LHPP: variants seen among roughly 807,000 people sequenced by gnomAD.
LHPP encodes the protein hLHPP.
LHPP carries 24 observed loss-of-function variants against 30.3 expected under a neutral mutation model. That is an observed-to-expected ratio of 0.79 (90% CI 0.57 to 1.11). The LOEUF is 1.11. Ranked by LOEUF, LHPP falls within the 50% of genes most tolerant of loss-of-function variation. The pLI is 0.00. For missense variants in LHPP, 356 were observed against 367.2 expected (o/e 0.97, Z 0.25); for synonymous variants, 150 against 157.1 (o/e 0.95, Z 0.34).
intron 6 of LHPP, among the ~76,000 whole-genome samples, chr10:124,604,325 T>C (rs1189877727): frequency 2.6e-5 from 4 of 152,118 alleles, no homozygotes; most frequent in African/African-American, 9.7e-5. Flanking sequence ...ACGGGCTGGA[T>C]GTGGGATGTT....
intron 6 of LHPP, among the ~76,000 whole-genome samples, chr10:124,548,836 G>A (rs1228186027): frequency 6.6e-6 from 1 of 152,204 alleles, no homozygotes; most frequent in Admixed American, 6.5e-5. Context: ...CAGGAGCCCG[G>A]GTCCCCGGAC....
intron 6 of LHPP, among the ~76,000 whole-genome samples, chr10:124,557,506 T>C (rs1036881085): frequency 6.6e-6 from 1 of 152,218 alleles, no homozygotes; most frequent in Non-Finnish European, 1.5e-5. Flanking sequence ...ATAGCTTTAT[T>C]TGATTACTTT....
At chr10:124,543,402 G>A (rs2133947768) in intron 6 of LHPP, among the ~76,000 whole-genome samples, 1 of 152,386 alleles carries the variant, frequency 6.6e-6, no homozygotes, top group East Asian at 1.9e-4. Context: ...GCAGGCGCAG[G>A]TGGCTGTACC....
rs1331685218 is a variant in LHPP at position 124,545,810 on chromosome 10, C to T, written c.716+28539C>T. ...AGGCATAATTTGGGTCTGTAAAGGC[C>T]GACGCTGTCATTCTGCTGCAAGAGG... On this transcript the variant is annotated intron_variant, in intron 6 of 6. Coordinates refer to ENST00000368842, the MANE Select transcript of LHPP (RefSeq NM_022126.4). Among the ~76,000 whole-genome samples, 8 of 152,190 alleles carry T rather than the reference C, an allele frequency of 5.3e-5. No homozygotes were observed. The East Asian group carries it at 1.2e-3, about 22-fold the overall frequency.
At chr10:124,588,149 G>T (rs1220535529) in intron 6 of LHPP, among the ~76,000 whole-genome samples, 3 of 152,256 alleles carry the variant, frequency 2.0e-5, no homozygotes, top group South Asian at 4.1e-4. Context: ...AGGCCCGGGG[G>T]CTTCATGTGT....
At position 124,610,995 on chromosome 10, in the gene LHPP, AGGGTGTTAATGAAGC is replaced by A. The variant is rs879067898; in HGVS notation, c.717-2263_717-2249del. Among the ~76,000 whole-genome samples the A allele has an allele frequency of 7.2e-4, 26 of 35,868 alleles. 1 individual carries two copies. The highest frequency in any genetic ancestry group is 2.6e-3 in the East Asian group (2 of 762). 23.5% of individuals were successfully genotyped at this position (35,868 alleles called of 152,430 possible). A position where few individuals can be genotyped will look rare whatever the true frequency, so the allele number is the denominator to read the frequency against. On this transcript the variant is annotated intron_variant, in intron 6 of 6. Coordinates refer to ENST00000368842, the MANE Select transcript of LHPP (RefSeq NM_022126.4). ...GGTGAGGGTGCTGGTGGAGCGGGTG[AGGGTGTTAATGAAGC>A]GGGTGCGGGTGAGGGTGCTGATGGA...
At chr10:124,538,685 G>A (rs1490412881) in intron 6 of LHPP, among the ~76,000 whole-genome samples, 2 of 152,232 alleles carry the variant, frequency 1.3e-5, no homozygotes, top group African/African-American at 4.8e-5. Context: ...TCCATTTGTT[G>A]TTCTGAGACT....
chr10:124,598,737 C>T, intron 6 of LHPP, among the ~76,000 whole-genome samples: 1 of 152,054 alleles, frequency 6.6e-6, no homozygotes, highest in East Asian at 1.9e-4. Flanking sequence ...CTGTTCATCC[C>T]CATCCATCCA....
At position 124,557,160 on chromosome 10, in the gene LHPP, T is replaced by C. The variant is rs556767762; in HGVS notation, c.716+39889T>C. Among the ~76,000 whole-genome samples, 15 of 152,298 alleles carry C rather than the reference T, an allele frequency of 9.8e-5. No homozygotes were observed. The South Asian group carries it at 1.4e-3, about 15-fold the overall frequency. ...CGGCCACTTCCTAGCAGCATGACTT[T>C]GGGATGTCCCTCAGCCATCAGAGAC... On this transcript the variant is annotated intron_variant, in intron 6 of 6. Transcript: ENST00000368842.
chr10:124,465,030 G>A (rs116461359), intron 1 of LHPP, among the ~76,000 whole-genome samples: 87 of 152,282 alleles, frequency 5.7e-4, no homozygotes, highest in African/African-American at 1.6e-3. Flanking sequence ...GTGGGCACAC[G>A]GGTAAAGCGC....
intron 2 of LHPP, 21 bp downstream of exon 2, chr10:124,484,347 G>A (rs574770096): frequency 1.2e-6 from 2 of 1,600,670 alleles, no homozygotes; most frequent in South Asian, 2.2e-5. Flanking sequence ...CGGACACCAG[G>A]ACCTCACGGG....
rs912042288 is a variant in LHPP at position 124,541,886 on chromosome 10, C to T, written c.716+24615C>T. Among the ~76,000 whole-genome samples, 12 of 152,100 alleles carry T rather than the reference C, an allele frequency of 7.9e-5. No homozygotes were observed. The highest frequency in any genetic ancestry group is 2.4e-4 in the African/African-American group (10 of 41,398). ...CTACTTCCCCACTGCAAGGGTGCTG[C>T]CTCCCCAGCTCCTACCTGGGGAGAT... On this transcript the variant is annotated intron_variant, in intron 6 of 6. Coordinates refer to ENST00000368842, the MANE Select transcript of LHPP (RefSeq NM_022126.4). This position sits in a 1 kb window ranked among gnomAD's most constrained non-coding sequence, Gnocchi z 4.2.
At chr10:124,571,937 C>T (rs1399830710) in intron 6 of LHPP, among the ~76,000 whole-genome samples, 2 of 152,064 alleles carry the variant, frequency 1.3e-5, no homozygotes, top group South Asian at 2.1e-4. Flanking sequence ...TGAACCAAGA[C>T]CTAGGGGGGT....
chr10:124,573,353 C>CT (rs2133983043), intron 6 of LHPP, among the ~76,000 whole-genome samples: 1 of 152,308 alleles, frequency 6.6e-6, no homozygotes, highest in Non-Finnish European at 1.5e-5. Flanking sequence ...GGGTCTTACT[C>CT]TGTCATTCAG....
chr10:124,469,343 G>A (rs934262411), intron 1 of LHPP, among the ~76,000 whole-genome samples: 1 of 152,098 alleles, frequency 6.6e-6, no homozygotes, highest in Admixed American at 6.6e-5. Flanking sequence ...TTTCTGTGAT[G>A]ATGGGTCCTC....
chr10:124,527,580 G>T (rs1484451493), intron 6 of LHPP, among the ~76,000 whole-genome samples: 1 of 152,076 alleles, frequency 6.6e-6, no homozygotes, highest in Non-Finnish European at 1.5e-5. Flanking sequence ...GGTAGCCCCG[G>T]GTGCTCTCCC....
At chr10:124,582,059 G>A (rs1948750102) in intron 6 of LHPP, among the ~76,000 whole-genome samples, 1 of 151,798 alleles carries the variant, frequency 6.6e-6, no homozygotes, top group African/African-American at 2.4e-5. Flanking sequence ...TGGGATTACA[G>A]GTGTGAGCCA....
intron 1 of LHPP, among the ~76,000 whole-genome samples, chr10:124,481,578 T>C (rs1437360628): frequency 6.6e-6 from 1 of 151,774 alleles, no homozygotes; most frequent in Admixed American, 6.6e-5. Flanking sequence ...ACAGGATTTC[T>C]CCATGTTGAC....
intron 6 of LHPP, among the ~76,000 whole-genome samples, chr10:124,581,660 A>G (rs1392852394): frequency 6.6e-6 from 1 of 152,190 alleles, no homozygotes; most frequent in Non-Finnish European, 1.5e-5. Flanking sequence ...AATGATGACT[A>G]GTGATGTCAG....
Sources: allele counts gnomAD v4.1 joint callset (sites outside exome capture counted in the v4.1 genomes callset), GRCh38; gene constraint gnomAD v4.1.1; non-coding constraint Gnocchi (gnomAD v3.1); transcripts MANE v1.5; gene names NCBI Gene and HGNC (gene_info 2026-07-23, HGNC 2026-07-21).